Variants in RIMS2 observed in about 807,000 individuals in gnomAD.
The protein encoded by RIMS2 is regulating synaptic membrane exocytosis 2, also known as regulating synaptic membrane exocytosis protein 2.
Under a neutral mutation model 174.4 loss-of-function variants are expected in RIMS2, and 59 were observed. That is an observed-to-expected ratio of 0.34 (90% confidence interval 0.27 to 0.42). RIMS2 has a LOEUF of 0.42. Among genes scored for constraint, RIMS2 ranks in the 10% least tolerant of loss-of-function variants. The pLI, the probability that RIMS2 is intolerant of heterozygous loss-of-function variation, is 1.00. For missense variants in RIMS2, 1,620 were observed against 1,666.3 expected (o/e 0.97, Z 0.48); for synonymous variants, 606 against 572.5 (o/e 1.06, Z -0.84).
intron 1 of RIMS2, among the ~76,000 whole-genome samples, chr8:103,678,759 T>C (rs2096844666): frequency 6.6e-6 from 1 of 152,254 alleles, no homozygotes; most frequent in South Asian, 2.1e-4. Flanking sequence ...TAAAAGATAA[T>C]ACATGCAATT....
chr8:104,250,602 ACAC>A (rs933180556), intron 22 of RIMS2, among the ~76,000 whole-genome samples: 31 of 88,364 alleles, frequency 3.5e-4, no homozygotes, highest in African/African-American at 1.7e-3. Context: ...TGTTATACCC[ACAC>A]CACCACCAGT....
chr8:103,716,689 C>T (rs371724849), intron 2 of RIMS2, among the ~76,000 whole-genome samples: 1 of 151,818 alleles, frequency 6.6e-6, no homozygotes, highest in Admixed American at 6.6e-5. Context: ...AAAATCTTAA[C>T]CTTCTGACTT....
chr8:104,037,166 T>C (rs897755640), intron 19 of RIMS2, among the ~76,000 whole-genome samples: 1 of 152,170 alleles, frequency 6.6e-6, no homozygotes, highest in Non-Finnish European at 1.5e-5. Context: ...TTAGTTTTTA[T>C]AGGAGACTTC....
intron 19 of RIMS2, among the ~76,000 whole-genome samples, chr8:104,236,019 T>C (rs1056678506): frequency 1.3e-5 from 2 of 152,020 alleles, no homozygotes; most frequent in Non-Finnish European, 2.9e-5. Flanking sequence ...ACATTGACTT[T>C]TGAAGAATCC....
chr8:103,949,124 CAAAAAAAAAAA>C (rs533642917), intron 14 of RIMS2, among the ~76,000 whole-genome samples: 1 of 44,098 alleles, frequency 2.3e-5, no homozygotes, highest in African/African-American at 7.2e-5. Flanking sequence ...GAGACTCTGT[CAAAAAAAAAAA>C]AAAAAAAAAA....
intron 19 of RIMS2, among the ~76,000 whole-genome samples, chr8:104,188,434 A>G (rs1361440040): frequency 6.6e-6 from 1 of 151,736 alleles, no homozygotes; most frequent in African/African-American, 2.4e-5. Context: ...CAAAAAGAGT[A>G]TAATAAACAT....
At chr8:103,726,024 T>A (rs913834032) in intron 2 of RIMS2, among the ~76,000 whole-genome samples, 1 of 152,226 alleles carries the variant, frequency 6.6e-6, no homozygotes, top group Non-Finnish European at 1.5e-5. Flanking sequence ...TTTTTATTAT[T>A]GACTTACAGA....
At chr8:103,980,241 G>C (rs910433670) in intron 16 of RIMS2, among the ~76,000 whole-genome samples, 1 of 152,160 alleles carries the variant, frequency 6.6e-6, no homozygotes, top group Non-Finnish European at 1.5e-5. Context: ...TTGCATACCA[G>C]CTCAGCCACA....
Position 104,172,006 on chromosome 8 carries a change from C to A in RIMS2, c.3335-72910C>A, listed in dbSNP as rs534091914. ...CTTGTTGTGTGGGCAAGTTCACTGT[C>A]TCCCATGGGGTTGGAATGGCAGGAA... is the stretch of plus-strand genomic sequence containing the variant. On this transcript the variant is annotated intron_variant, in intron 19 of 23. Transcript: ENST00000504942. Among the ~76,000 whole-genome samples, 563 of 152,262 alleles carry A rather than the reference C, an allele frequency of 3.7e-3. 4 individuals carry two copies. Among genetic ancestry groups the A allele is most frequent in the South Asian group, 0.012 (59 of 4,830 alleles).
In RIMS2 at chr8:103,949,010, C is replaced by A. The variant is rs1374816981; in HGVS notation, c.2701+6084C>A. ...GGTTCAGTGGCATGCACCTGCAGTT[C>A]CAGCTACTTGAGAGGATGAGGTGGT... is the stretch of plus-strand genomic sequence containing the variant. On this transcript the variant is annotated intron_variant, in intron 14 of 23. Transcript: ENST00000504942. 1.2e-4 allele frequency among the ~76,000 whole-genome samples: 18 copies of A among 149,686 alleles called. No homozygotes were observed. The East Asian group carries it at 3.5e-3, about 29-fold the overall frequency.
intron 17 of RIMS2, among the ~76,000 whole-genome samples, chr8:104,010,750 A>G (rs2095735340): frequency 6.6e-6 from 1 of 152,214 alleles, no homozygotes; most frequent in African/African-American, 2.4e-5. Flanking sequence ...CCTAAGAAAG[A>G]TTTAAATTTA....
At chr8:103,790,836 T>C (rs1002723972) in intron 3 of RIMS2, among the ~76,000 whole-genome samples, 1 of 152,218 alleles carries the variant, frequency 6.6e-6, no homozygotes, top group Non-Finnish European at 1.5e-5. Flanking sequence ...ATGTTTACAT[T>C]GTAAAAAATG....
chr8:103,735,701 G>A (rs1460999602), intron 2 of RIMS2, among the ~76,000 whole-genome samples: 1 of 152,110 alleles, frequency 6.6e-6, no homozygotes, highest in Non-Finnish European at 1.5e-5. Context: ...TGGGATTAGT[G>A]TTCTTGATGA....
intron 19 of RIMS2, among the ~76,000 whole-genome samples, chr8:104,192,838 C>G (rs1311058760): frequency 6.6e-6 from 1 of 152,150 alleles, no homozygotes; most frequent in Non-Finnish European, 1.5e-5. Flanking sequence ...GTAGATGATA[C>G]AGCAGTGAAC....
chr8:103,962,734 C>G (rs55885996), intron 15 of RIMS2, among the ~76,000 whole-genome samples: 1 of 152,130 alleles, frequency 6.6e-6, no homozygotes, highest in South Asian at 2.1e-4. Context: ...ATTTGACCCT[C>G]TCAGCTCAGC....
At chr8:104,148,551 T>G in intron 19 of RIMS2, 56 bp from the exon 25 acceptor site, 2 of 1,482,620 alleles carry the variant, frequency 1.3e-6, no homozygotes, top group Non-Finnish European at 1.8e-6. Context: ...AAAATGCATT[T>G]TCTGTCTTTT....
intron 3 of RIMS2, among the ~76,000 whole-genome samples, chr8:103,879,789 A>G (rs907868596): frequency 1.3e-5 from 2 of 151,636 alleles, no homozygotes; most frequent in African/African-American, 4.8e-5. Flanking sequence ...TCAGTTTTAT[A>G]TAAAAGTATT....
At chr8:103,548,954 G>C (rs997892343) in intron 1 of RIMS2, among the ~76,000 whole-genome samples, 4 of 152,066 alleles carry the variant, frequency 2.6e-5, no homozygotes, top group African/African-American at 4.8e-5. Flanking sequence ...TAGGAATACA[G>C]CTAACTAGGG....
downstream of RIMS2, chr8:104,254,129 A>G (rs1216943768): frequency 1.3e-5 from 2 of 152,148 alleles, no homozygotes; most frequent in Non-Finnish European, 2.9e-5. Flanking sequence ...ATTATTTCTA[A>G]TTTTAATAAG....
Sources: allele counts gnomAD v4.1 joint callset (sites outside exome capture counted in the v4.1 genomes callset), GRCh38; gene constraint gnomAD v4.1.1; transcripts MANE v1.5; gene names NCBI Gene and HGNC (gene_info 2026-07-23, HGNC 2026-07-21).